ETFBKMT: variants seen among roughly 807,000 people sequenced by gnomAD.
ETFBKMT encodes electron transfer flavoprotein beta subunit lysine methyltransferase.
A neutral mutation model predicts 18.3 loss-of-function variants in ETFBKMT; 13 were observed. The ratio of observed to expected loss-of-function variants is 0.71; its 90% CI spans 0.46 to 1.13. ETFBKMT has a LOEUF of 1.13. ETFBKMT is among the 50% of genes most tolerant of loss of function. The pLI, the probability that ETFBKMT is intolerant of heterozygous loss-of-function variation, is 0.00. For missense variants in ETFBKMT, 293 were observed against 306.2 expected, an observed-to-expected ratio of 0.96 and a Z score of 0.32; for synonymous variants, 84 against 107.9, an observed-to-expected ratio of 0.78 and a Z score of 1.37.
chr12:31,655,405 A>G (rs1320990214), upstream of ETFBKMT, among the ~76,000 whole-genome samples: 1 of 152,190 alleles, frequency 6.6e-6, no homozygotes, highest in African/African-American at 2.4e-5. Context: ...CAAGGTGTAT[A>G]ATAAATCCTC....
At position 31,672,252 on chromosome 12, in the gene ETFBKMT, G is replaced by A. The variant is rs950724925; in HGVS notation, c.*4262G>A. The A allele has an allele frequency of 4.0e-6, 5 of 1,249,988 alleles. No homozygotes were observed. The highest frequency in any genetic ancestry group is 5.7e-6 in the Non-Finnish European group (5 of 874,242). 77.4% of individuals were successfully genotyped at this position (1,249,988 alleles called of 1,614,324 possible). On this transcript the variant is annotated 3_prime_UTR_variant, in exon 4 of 4. Coordinates refer to ENST00000357721, the MANE Select transcript of ETFBKMT (RefSeq NM_001135863.2). ...TGCAAATCTCTATAGATGGTTTCCTGGGAAAGTAGTTTTGATAAGCTTTCC... is the reference window on the plus strand; with the variant it reads ...TGCAAATCTCTATAGATGGTTTCCTAGGAAAGTAGTTTTGATAAGCTTTCC...
rs539765778 is a variant in ETFBKMT, at chr12:31,647,243, C to T, written c.-126C>T. The T allele has an allele frequency of 2.0e-5, 3 of 152,590 alleles. No homozygotes were observed. The East Asian group carries it at 5.8e-4, about 29-fold the overall frequency. The allele number at this position is 152,590 out of a possible 1,614,324, so 9.5% of individuals were successfully genotyped here. On this transcript the variant is annotated 5_prime_UTR_variant, in exon 1 of 4. Coordinates refer to the ETFBKMT transcript ENST00000412352. ...CACCCTATCCTCATTTCATCTCCCGCAACCTGGCTCCGGTGAGTGCTCTTC... is the reference window on the plus strand; with the variant it reads ...CACCCTATCCTCATTTCATCTCCCGTAACCTGGCTCCGGTGAGTGCTCTTC...
chr12:31,656,709 T>TA (rs1951065205), upstream of ETFBKMT, among the ~76,000 whole-genome samples: 1 of 152,230 alleles, frequency 6.6e-6, no homozygotes, highest in Admixed American at 6.5e-5. Flanking sequence ...CTATCGCAGT[T>TA]ACCTTAGTTC....
chr12:31,653,497 C>G (rs1376405892), intron 1 of ETFBKMT, among the ~76,000 whole-genome samples: 1 of 152,074 alleles, frequency 6.6e-6, no homozygotes, highest in Non-Finnish European at 1.5e-5. Context: ...ACTGAGGGAG[C>G]AACAAGTACA....
At position 31,672,950 on chromosome 12, in the gene ETFBKMT, T is replaced by C. The variant is rs1433933465; in HGVS notation, c.*4960T>C. The C allele has an allele frequency of 6.6e-6, 1 of 152,582 alleles. No homozygotes were observed. The highest frequency in any genetic ancestry group is 2.4e-5 in the African/African-American group (1 of 41,452). 9.5% of individuals were successfully genotyped at this position (152,582 alleles called of 1,614,324 possible). A position where few individuals can be genotyped will look rare whatever the true frequency, so the allele number is the denominator to read the frequency against. On this transcript the variant is annotated 3_prime_UTR_variant, in exon 4 of 4. Transcript: ENST00000357721. ...TACTACTATAAAGCATGATTTTAAA[T>C]AGATAACCATTATATAAATACACTG...
rs926905527 is a variant in ETFBKMT at position 31,670,938 on chromosome 12, G to A, written c.*2948G>A. ...GGTAGTAAGGAGAAAAAGAAGTAAGGGTAATAGGGAATACTGGGTACTGGA... is the reference window on the plus strand; with the variant it reads ...GGTAGTAAGGAGAAAAAGAAGTAAGAGTAATAGGGAATACTGGGTACTGGA... On this transcript the variant is annotated 3_prime_UTR_variant, in exon 4 of 4. Coordinates refer to ENST00000357721, the MANE Select transcript of ETFBKMT (RefSeq NM_001135863.2). The A allele has an allele frequency of 6.6e-6, 1 of 152,098 alleles. No homozygotes were observed. Among genetic ancestry groups the A allele is most frequent in the Non-Finnish European group, 1.5e-5 (1 of 68,028 alleles). 9.4% of individuals were successfully genotyped at this position (152,098 alleles called of 1,614,324 possible).
chr12:31,659,496 A>G (rs543086149), upstream of ETFBKMT: 2 of 152,358 alleles, frequency 1.3e-5, no homozygotes, highest in East Asian at 3.9e-4. Context: ...TCTCATTAAG[A>G]GAAATACCAA....
chr12:31,667,841 G>T lies in ETFBKMT; in HGVS notation c.640G>T (p.Val214Leu). 1 of 1,614,178 alleles carries T rather than the reference G, an allele frequency of 6.2e-7. No individual in the cohort carries two copies. The highest frequency in any genetic ancestry group is 2.2e-5 in the East Asian group (1 of 44,890). ...KKCFWTYRTRVLIGDPGRPQF... is the reference protein window; with the variant it reads ...KKCFWTYRTRLLIGDPGRPQF... ...GTGCTTCTGGACCTATAGAACTCGA[G>T]TACTGATTGGTGACCCTGGGCGGCC... is the stretch of plus-strand genomic sequence containing the variant. Residue 214 changes from valine to leucine, a missense_variant, in exon 4 of 4, where the codon GTA becomes TTA. Transcript: ENST00000357721.
intron 2 of ETFBKMT, among the ~76,000 whole-genome samples, chr12:31,662,761 A>G (rs1592136288): frequency 6.6e-6 from 1 of 152,164 alleles, no homozygotes; most frequent in African/African-American, 2.4e-5. Flanking sequence ...CTGGATAGCT[A>G]TAAGTGATCC....
rs1592135787 is a variant in ETFBKMT at position 31,662,099 on chromosome 12, C to T, written c.146C>T (p.Ala49Val). Reference protein sequence around the residue: ...AGSFLDPEIKAFLEENTEVTS... With the variant: ...AGSFLDPEIKVFLEENTEVTS... ...AGCTTTTTGGACCCTGAGATAAAGGCTTTCCTGGAGGAGAACACTGAAGTC... is the reference window on the plus strand; with the variant it reads ...AGCTTTTTGGACCCTGAGATAAAGGTTTTCCTGGAGGAGAACACTGAAGTC... The change falls in exon 2 of 4, where the codon GCT becomes GTT. Residue 49 changes from alanine to valine, a missense_variant. Ala to Val is a moderately conservative substitution (Grantham distance 64, BLOSUM62 0). Coordinates refer to ENST00000357721, the MANE Select transcript of ETFBKMT (RefSeq NM_001135863.2). 2 of 1,614,216 alleles carry T rather than the reference C, an allele frequency of 1.2e-6. No homozygotes were observed. Among genetic ancestry groups the T allele is most frequent in the Middle Eastern group, 1.6e-4 (1 of 6,062 alleles).
chr12:31,647,239 C>G (rs1011378831), exon 1 of ETFBKMT: 1 of 152,466 alleles, frequency 6.6e-6, no homozygotes, highest in Non-Finnish European at 1.5e-5. Flanking sequence ...CATTTCATCT[C>G]CCGCAACCTG....
intron 3 of ETFBKMT, among the ~76,000 whole-genome samples, chr12:31,667,062 T>C (rs1481539752): frequency 2.0e-5 from 3 of 151,830 alleles, no homozygotes; most frequent in African/African-American, 7.3e-5. Flanking sequence ...TGGCACGGTC[T>C]TGGCTCACTG....
At chr12:31,658,416 A>G (rs1448256375), upstream of ETFBKMT, among the ~76,000 whole-genome samples, 1 of 152,224 alleles carries the variant, frequency 6.6e-6, no homozygotes, top group Non-Finnish European at 1.5e-5. Flanking sequence ...AGAATGTAGC[A>G]AATACACCAT....
chr12:31,662,233 G>A lies in ETFBKMT; in HGVS notation c.280G>A (p.Ala94Thr). 6.2e-7 allele frequency: 1 copy of A among 1,614,166 alleles called. No individual in the cohort carries two copies. Among genetic ancestry groups the A allele is most frequent in the Non-Finnish European group, 8.5e-7 (1 of 1,180,024 alleles). ...GTGGCCCCACAGTGATCCTTACTGG[G>A]CAATCTACTGGCCAGGAGGCCAAGC... Reference protein sequence around the residue: ...DLWPHSDPYWAIYWPGGQALS... With the variant: ...DLWPHSDPYWTIYWPGGQALS... Residue 94 changes from alanine to threonine, a missense_variant, in exon 2 of 4, where the codon GCA (alanine) becomes ACA (threonine). Transcript: ENST00000357721.
chr12:31,660,874 C>T (rs559456545), intron 1 of ETFBKMT: 1 of 152,206 alleles, frequency 6.6e-6, no homozygotes, highest in East Asian at 1.9e-4. Context: ...CTGTTAACTG[C>T]TTTATCCCAC....
chr12:31,655,858 AC>A (rs1350709943), upstream of ETFBKMT, among the ~76,000 whole-genome samples: 1 of 152,076 alleles, frequency 6.6e-6, no homozygotes, highest in Admixed American at 6.6e-5. Context: ...GGCTCAATAA[AC>A]CTGGATTGAT....
chr12:31,649,800 G>C (rs77525383), intron 1 of ETFBKMT, among the ~76,000 whole-genome samples: 3 of 144,728 alleles, frequency 2.1e-5, no homozygotes, highest in Admixed American at 7.0e-5. Flanking sequence ...ATCTCTCTCC[G>C]TAGCGAAGTA....
chr12:31,667,962 C>T lies in ETFBKMT; in HGVS notation c.761C>T (p.Thr254Ile), dbSNP rs371569520. ...AGGCAGGAAAACAGTGGACTGACAA[C>T]AAGCACAGTGTGGGGTTTTCAGCCT... ...STRQENSGLTTSTVWGFQP is the reference protein window; with the variant it reads ...STRQENSGLTISTVWGFQP Residue 254 changes from threonine to isoleucine, a missense_variant, in exon 4 of 4, where the codon ACA becomes ATA. Thr to Ile is a moderately conservative substitution (Grantham distance 89). Transcript: ENST00000357721. 6.2e-7 allele frequency: 1 copy of T among 1,613,808 alleles called. No individual in the cohort carries two copies. Among genetic ancestry groups the T allele is most frequent in the Non-Finnish European group, 8.5e-7 (1 of 1,179,828 alleles).
chr12:31,652,478 G>A (rs892772199), intron 1 of ETFBKMT, among the ~76,000 whole-genome samples: 4 of 152,136 alleles, frequency 2.6e-5, no homozygotes, highest in African/African-American at 9.7e-5. Context: ...TGTCCAAAAG[G>A]TATAAAAGCT....
Sources: allele counts gnomAD v4.1 joint callset (sites outside exome capture counted in the v4.1 genomes callset), GRCh38; gene constraint gnomAD v4.1.1; transcripts MANE v1.5; gene names NCBI Gene and HGNC (gene_info 2026-07-23, HGNC 2026-07-21).